CCDC88C: variants seen among roughly 807,000 people sequenced by gnomAD.
CCDC88C encodes protein Daple.
CCDC88C carries 131 observed loss-of-function variants against 198.8 expected under a neutral mutation model. The observed-to-expected ratio is 0.66, with a 90% CI of 0.57 to 0.76. CCDC88C has a LOEUF of 0.76. Ranked by LOEUF, CCDC88C falls within the 30% of genes least tolerant of loss-of-function variation. The probability of loss-of-function intolerance (pLI) is 0.00; values close to 1 mark genes in which losing one functional copy is unlikely to be tolerated. For missense variants in CCDC88C, 2,553 were observed against 2,631.6 expected (o/e 0.97, Z 0.65); for synonymous variants, 1,166 against 1,114.7 (o/e 1.05, Z -0.92).
intron 4 of CCDC88C, among the ~76,000 whole-genome samples, chr14:91,345,166 T>TTATATATATATATA (rs758438547): frequency 1.2e-4 from 12 of 100,542 alleles, no homozygotes; most frequent in African/African-American, 4.1e-4. Flanking sequence ...GAGGTTCAAT[T>TTATATATATATATA]TATATATATA....
At chr14:91,342,486 A>G (rs1267033332) in intron 5 of CCDC88C, 23 bp from the exon 6 acceptor site, 2 of 1,488,226 alleles carry the variant, frequency 1.3e-6, no homozygotes, top group African/African-American at 2.8e-5. Context: ...ACATGTGTTA[A>G]TGGAAGCGCT....
intron 3 of CCDC88C, among the ~76,000 whole-genome samples, chr14:91,391,242 AAAAAC>A (rs1318831186): frequency 6.7e-6 from 1 of 148,274 alleles, no homozygotes; most frequent in Non-Finnish European, 1.5e-5. Context: ...TCTTCCTGCT[AAAAAC>A]AAAACAAAAC....
chr14:91,272,509 A>G lies in CCDC88C; in HGVS notation c.*116T>C, dbSNP rs575576340. ...GAACAAACAGCAGAAATGCGTGGGA[A>G]CCCCTTTCCTCATTCCAAACCCTCT... On this transcript the variant is annotated 3_prime_UTR_variant, in exon 30 of 30. Coordinates refer to ENST00000389857, the MANE Select transcript of CCDC88C (RefSeq NM_001080414.4). The G allele has an allele frequency of 9.8e-3, 10,240 of 1,048,746 alleles. 114 individuals carry two copies. Among genetic ancestry groups the G allele is most frequent in the South Asian group, 0.021 (1,372 of 65,394 alleles). 65.0% of individuals were successfully genotyped at this position (1,048,746 alleles called of 1,614,324 possible).
chr14:91,389,621 T>C (rs182883830), intron 3 of CCDC88C, among the ~76,000 whole-genome samples: 17 of 152,072 alleles, frequency 1.1e-4, no homozygotes, highest in African/African-American at 3.6e-4. Flanking sequence ...GGCTCACATC[T>C]GTAATCCCAG....
At chr14:91,323,987 A>C (rs987371992) in intron 12 of CCDC88C, among the ~76,000 whole-genome samples, 15 of 151,682 alleles carry the variant, frequency 9.9e-5, no homozygotes, top group African/African-American at 3.7e-4. Context: ...TTAGATGTCT[A>C]TCAGAATTTT....
chr14:91,294,757 C>A (rs920014594), intron 22 of CCDC88C, among the ~76,000 whole-genome samples: 1 of 152,210 alleles, frequency 6.6e-6, no homozygotes, highest in Non-Finnish European at 1.5e-5. Flanking sequence ...TGGGTTCAAG[C>A]GACTCTCCTG....
At chr14:91,326,561 T>A (rs1892593722) in intron 10 of CCDC88C, among the ~76,000 whole-genome samples, 1 of 151,806 alleles carries the variant, frequency 6.6e-6, no homozygotes, top group African/African-American at 2.4e-5. Context: ...TTCTCTGCTA[T>A]AAGAAAAAAA....
chr14:91,370,478 G>A (rs1894740936), intron 3 of CCDC88C, among the ~76,000 whole-genome samples: 1 of 152,208 alleles, frequency 6.6e-6, no homozygotes, highest in Admixed American at 6.5e-5. Flanking sequence ...GGATTGCTCT[G>A]TGGGCAGACC....
chr14:91,362,188 C>T (rs1323799693), intron 3 of CCDC88C, among the ~76,000 whole-genome samples: 21 of 151,050 alleles, frequency 1.4e-4, no homozygotes, highest in African/African-American at 7.3e-5. Flanking sequence ...GAGCCGAGAT[C>T]GCACCACTGC....
rs147288831 is a variant in CCDC88C, at chr14:91,346,066, A to G, written c.341-2409T>C. ...CTGGGCTACAGTGTCCCAAAGTGTC[A>G]AAGACTGCCGGGATGAAAAAACCAA... On this transcript the variant is annotated intron_variant, in intron 4 of 29. Coordinates refer to ENST00000389857, the MANE Select transcript of CCDC88C (RefSeq NM_001080414.4). Among the ~76,000 whole-genome samples, 470 of 152,338 alleles carry G rather than the reference A, an allele frequency of 3.1e-3. 6 individuals carry two copies. Among genetic ancestry groups the G allele is most frequent in the African/African-American group, 0.011 (445 of 41,574 alleles).
chr14:91,372,527 G>A (rs1234844284), intron 3 of CCDC88C, among the ~76,000 whole-genome samples: 3 of 106,126 alleles, frequency 2.8e-5, no homozygotes, highest in Admixed American at 2.6e-4. Flanking sequence ...TGGCAGTGGT[G>A]CGGGGGGGGG....
intron 21 of CCDC88C, among the ~76,000 whole-genome samples, chr14:91,299,543 T>C (rs961428864): frequency 3.3e-5 from 5 of 152,144 alleles, no homozygotes; most frequent in Non-Finnish European, 7.4e-5. Flanking sequence ...GGGCGGCAAA[T>C]AAAACTTTAG....
chr14:91,320,054 A>AAAT (rs1467171205), intron 13 of CCDC88C, among the ~76,000 whole-genome samples: 1 of 148,018 alleles, frequency 6.8e-6, no homozygotes, highest in African/African-American at 2.6e-5. Flanking sequence ...AAAAAAAAAG[A>AAAT]AATGTGTGTT....
At position 91,381,279 on chromosome 14, in the gene CCDC88C, G is replaced by A. The variant is rs1884775764; in HGVS notation, c.271-21568C>T. Reference sequence around the variant, plus strand: ...CAGACCCCTCACACATGCCCGTGAGGGGGTCAAACTCCAAATCTCAAACAA... The same window carrying A: ...CAGACCCCTCACACATGCCCGTGAGAGGGTCAAACTCCAAATCTCAAACAA... On this transcript the variant is annotated intron_variant, in intron 3 of 29. Transcript: ENST00000389857. The surrounding 1 kb of genome is among the most constrained non-coding windows in gnomAD (Gnocchi z 4.2). 6.6e-6 allele frequency among the ~76,000 whole-genome samples: 1 copy of A among 152,142 alleles called. No individual in the cohort carries two copies. Among genetic ancestry groups the A allele is most frequent in the African/African-American group, 2.4e-5 (1 of 41,426 alleles).
rs1008040444 is a variant in CCDC88C at position 91,338,732 on chromosome 14, C to T, written c.810-162G>A. 6.6e-5 allele frequency: 40 copies of T among 607,282 alleles called. No individual in the cohort carries two copies. In the Admixed American group the frequency reaches 1.0e-3, roughly 15 times the overall value. The allele number at this position is 607,282 out of a possible 1,614,324, so 37.6% of individuals were successfully genotyped here. ...ATGGGGCCTGCAAAAATGTTACTGA[C>T]TCAAAATTCTTTTCTTTTCATAAGT... On this transcript the variant is annotated intron_variant, in intron 8 of 29. Transcript: ENST00000389857. The surrounding 1 kb of genome is among the most constrained non-coding windows in gnomAD (Gnocchi z 4.8).
At position 91,362,931 on chromosome 14, in the gene CCDC88C, G is replaced by GAA. The variant is rs201994753; in HGVS notation, c.271-3222_271-3221dup. ...GTGACAGAGCGAGACTCCATCTCAGGAAAAAAAAAAAAAAAGAAATCATGT... is the reference window on the plus strand; with the variant it reads ...GTGACAGAGCGAGACTCCATCTCAGGAAAAAAAAAAAAAAAAAGAAATCATGT... On this transcript the variant is annotated intron_variant, in intron 3 of 29. Coordinates refer to ENST00000389857, the MANE Select transcript of CCDC88C (RefSeq NM_001080414.4). Among the ~76,000 whole-genome samples, 118 of 123,834 alleles carry GAA rather than the reference G, an allele frequency of 9.5e-4. 1 individual carries two copies. The highest frequency in any genetic ancestry group is 6.0e-3 in the East Asian group (26 of 4,342). The allele number at this position is 123,834 out of a possible 152,430, so 81.2% of individuals were successfully genotyped here. A position where few individuals can be genotyped will look rare whatever the true frequency, so the allele number is the denominator to read the frequency against.
At chr14:91,404,986 G>C (rs950099336) in intron 3 of CCDC88C, among the ~76,000 whole-genome samples, 6 of 147,134 alleles carry the variant, frequency 4.1e-5, no homozygotes, top group African/African-American at 1.5e-4. Flanking sequence ...AAAGAGAAAA[G>C]AAAATGCAGA....
intron 4 of CCDC88C, among the ~76,000 whole-genome samples, chr14:91,355,763 C>G (rs1009417811): frequency 6.6e-6 from 1 of 151,986 alleles, no homozygotes; most frequent in African/African-American, 2.4e-5. Context: ...GTGAGACATA[C>G]AGAAAAACTG....
At chr14:91,396,921 G>C (rs1885878726) in intron 3 of CCDC88C, among the ~76,000 whole-genome samples, 1 of 151,994 alleles carries the variant, frequency 6.6e-6, no homozygotes, top group Non-Finnish European at 1.5e-5. Flanking sequence ...GATTGCTTGA[G>C]CCTGGCAGGT....
Sources: gnomAD v4.1 joint callset for allele counts (sites outside exome capture counted in the v4.1 genomes callset) on GRCh38, gnomAD v4.1.1 for gene constraint, Gnocchi (gnomAD v3.1) non-coding constraint, MANE v1.5 for transcripts, NCBI Gene and HGNC (gene_info 2026-07-23, HGNC 2026-07-21) for gene names.